The following IRAK2 variants were observed in gnomAD, a reference collection of about 807,000 sequenced individuals.
IRAK2 encodes the protein interleukin 1 receptor associated kinase 2.
In IRAK2, 57 loss-of-function variants were observed where a neutral mutation model predicts 72.0. The observed-to-expected ratio is 0.79, with a 90% confidence interval of 0.64 to 0.99. The LOEUF is 0.99. Among genes scored for constraint, IRAK2 ranks in the 50% least tolerant of loss-of-function variants. The pLI is 0.00. For missense variants in IRAK2, 790 were observed against 794.4 expected, an observed-to-expected ratio of 0.99 and a Z score of 0.07; for synonymous variants, 293 against 312.7, an observed-to-expected ratio of 0.94 and a Z score of 0.67.
chr3:10,207,992 CAAA>C (rs35298616), intron 3 of IRAK2, among the ~76,000 whole-genome samples: 5 of 94,978 alleles, frequency 5.3e-5, no homozygotes, highest in Admixed American at 3.7e-4. Flanking sequence ...ACTCTGTTTC[CAAA>C]AAAAAAAAAA....
intron 3 of IRAK2, among the ~76,000 whole-genome samples, chr3:10,202,399 G>C (rs955375680): frequency 6.6e-6 from 1 of 152,156 alleles, no homozygotes; most frequent in African/African-American, 2.4e-5. Context: ...TGAGGCGGGT[G>C]GATCACGAGG....
At chr3:10,198,503 G>C (rs1474500630) in intron 2 of IRAK2, among the ~76,000 whole-genome samples, 1 of 152,188 alleles carries the variant, frequency 6.6e-6, no homozygotes, top group Non-Finnish European at 1.5e-5. Flanking sequence ...CCAGTCCCAG[G>C]TTTGACTGTT....
intron 2 of IRAK2, among the ~76,000 whole-genome samples, chr3:10,180,539 T>G (rs1696945076): frequency 6.6e-6 from 1 of 152,048 alleles, no homozygotes; most frequent in South Asian, 2.1e-4. Flanking sequence ...GGCCAGCATG[T>G]GCAAGGGCCC....
intron 2 of IRAK2, among the ~76,000 whole-genome samples, chr3:10,196,613 G>A (rs774470962): frequency 2.6e-5 from 4 of 152,216 alleles, no homozygotes; most frequent in South Asian, 2.1e-4. Context: ...TGAAGTGCCC[G>A]TGGAGCCCAG....
chr3:10,217,349 T>C (rs1697621295), intron 7 of IRAK2, among the ~76,000 whole-genome samples: 1 of 152,010 alleles, frequency 6.6e-6, no homozygotes, highest in Non-Finnish European at 1.5e-5. Flanking sequence ...TCAGGAAAAA[T>C]CTATAAAAAA....
At chr3:10,223,073 A>C (rs1488992437) in intron 9 of IRAK2, among the ~76,000 whole-genome samples, 1 of 152,210 alleles carries the variant, frequency 6.6e-6, no homozygotes, top group Non-Finnish European at 1.5e-5. Flanking sequence ...TATGTGATAG[A>C]GACTGAACAT....
At chr3:10,182,431 C>T (rs188067941) in intron 2 of IRAK2, among the ~76,000 whole-genome samples, 3 of 151,934 alleles carry the variant, frequency 2.0e-5, no homozygotes, top group Non-Finnish European at 4.4e-5. Context: ...TACAGGTGCC[C>T]GCCACCACGC....
intron 2 of IRAK2, among the ~76,000 whole-genome samples, chr3:10,196,376 A>G (rs1319010989): frequency 6.6e-6 from 1 of 152,170 alleles, no homozygotes; most frequent in Non-Finnish European, 1.5e-5. Context: ...TGGCCTCCCA[A>G]AGTGCTGGGA....
intron 1 of IRAK2, among the ~76,000 whole-genome samples, chr3:10,168,250 G>C (rs113074506): frequency 6.8e-5 from 10 of 148,128 alleles, no homozygotes; most frequent in Non-Finnish European, 1.3e-4. Flanking sequence ...TCGCTCTGTC[G>C]CTGAGGCTGG....
intron 1 of IRAK2, among the ~76,000 whole-genome samples, chr3:10,168,007 G>A (rs1056397167): frequency 6.6e-6 from 1 of 151,898 alleles, no homozygotes; most frequent in African/African-American, 2.4e-5. Context: ...ATGTTACTCA[G>A]GCTGATCTTG....
At chr3:10,165,242 G>C (rs1375294868) in intron 1 of IRAK2, among the ~76,000 whole-genome samples, 194 bp downstream of exon 1, 1 of 152,216 alleles carries the variant, frequency 6.6e-6, no homozygotes, top group Non-Finnish European at 1.5e-5. Context: ...TGGTCTCTGA[G>C]GACGTCTGTC....
chr3:10,238,221 TG>T (rs1239008467), intron 11 of IRAK2, among the ~76,000 whole-genome samples: 2 of 152,128 alleles, frequency 1.3e-5, no homozygotes, highest in Non-Finnish European at 2.9e-5. Flanking sequence ...GGCATTGCTC[TG>T]GTTTCAGGGA....
At chr3:10,175,270 G>T (rs1696855008) in intron 1 of IRAK2, among the ~76,000 whole-genome samples, 1 of 151,986 alleles carries the variant, frequency 6.6e-6, no homozygotes, top group Non-Finnish European at 1.5e-5. Flanking sequence ...GAGATTACAG[G>T]CGTGTGTTAC....
intron 2 of IRAK2, among the ~76,000 whole-genome samples, chr3:10,186,325 C>A (rs1442640087): frequency 6.6e-6 from 1 of 151,756 alleles, no homozygotes; most frequent in African/African-American, 2.4e-5. Context: ...TTTGGCAACA[C>A]AGTTCTGTCA....
chr3:10,232,396 T>TGA (rs1697874790), intron 10 of IRAK2, among the ~76,000 whole-genome samples: 1 of 152,216 alleles, frequency 6.6e-6, no homozygotes, highest in African/African-American at 2.4e-5. Context: ...GGAGGCGCTG[T>TGA]GAGCCTCCCA....
At chr3:10,211,022 C>G (rs1575975841) in intron 4 of IRAK2, among the ~76,000 whole-genome samples, 1 of 152,096 alleles carries the variant, frequency 6.6e-6, no homozygotes, top group Admixed American at 6.6e-5. Context: ...GCATGTTTGG[C>G]TAATTTTTTT....
intron 3 of IRAK2, among the ~76,000 whole-genome samples, chr3:10,209,213 C>T (rs1697481276): frequency 6.6e-6 from 1 of 152,158 alleles, no homozygotes; most frequent in South Asian, 2.1e-4. Flanking sequence ...GCTAGTTCAC[C>T]TCTGTGTCTT....
chr3:10,232,052 A>C (rs778039), intron 10 of IRAK2, among the ~76,000 whole-genome samples: 1 of 151,914 alleles, frequency 6.6e-6, no homozygotes, highest in Non-Finnish European at 1.5e-5. Context: ...GCATGAACCC[A>C]GGAGGCGGAG....
chr3:10,226,532 A>G lies in IRAK2; in HGVS notation c.1272+99A>G, dbSNP rs11465920. 425 of 923,830 alleles carry G rather than the reference A, an allele frequency of 4.6e-4. 1 individual carries two copies. The African/African-American group carries it at 6.3e-3, about 14-fold the overall frequency. 57.2% of individuals were successfully genotyped at this position (923,830 alleles called of 1,614,324 possible). Reference sequence around the variant, plus strand: ...AATTCTAGCTAGTTTTACACATGCAAATGAGGCCCGGTACAAGGTTGCATT... The same window carrying G: ...AATTCTAGCTAGTTTTACACATGCAGATGAGGCCCGGTACAAGGTTGCATT... On this transcript the variant is annotated intron_variant, in intron 10 of 12. Coordinates refer to ENST00000256458, the MANE Select transcript of IRAK2 (RefSeq NM_001570.4).
Sources: allele counts gnomAD v4.1 joint callset (sites outside exome capture counted in the v4.1 genomes callset), GRCh38; gene constraint gnomAD v4.1.1; transcripts MANE v1.5; gene names NCBI Gene and HGNC (gene_info 2026-07-23, HGNC 2026-07-21).